FAM193A: variants seen among roughly 807,000 people sequenced by gnomAD.
The protein encoded by FAM193A is protein FAM193A.
In FAM193A, 22 loss-of-function variants were observed where a neutral mutation model predicts 126.5. That is an observed-to-expected ratio of 0.17 (90% CI 0.12 to 0.25). The LOEUF is 0.25. Ranked by LOEUF, FAM193A falls within the 10% of genes least tolerant of loss-of-function variation. The probability of loss-of-function intolerance (pLI) is 1.00; values close to 1 mark genes in which losing one functional copy is unlikely to be tolerated. For synonymous variants in FAM193A, 761 were observed against 646.8 expected (o/e 1.18, Z -2.68); for missense variants, 1,675 against 1,672.8 (o/e 1.00, Z -0.02).
At chr4:2,655,039 T>A in intron 7 of FAM193A, 1 of 663,564 alleles carries the variant, frequency 1.5e-6, no homozygotes, top group East Asian at 2.7e-5. Context: ...ATTTGTCCCC[T>A]TTTTTTGGCT....
chr4:2,618,750 C>T (rs1742360620), intron 2 of FAM193A, among the ~76,000 whole-genome samples: 1 of 152,096 alleles, frequency 6.6e-6, no homozygotes, highest in South Asian at 2.1e-4. Flanking sequence ...CGTGTGCCAT[C>T]ACACCTGGCT....
chr4:2,705,464 C>T (rs1577242086), intron 19 of FAM193A, among the ~76,000 whole-genome samples: 1 of 149,690 alleles, frequency 6.7e-6, no homozygotes, highest in East Asian at 2.0e-4. Context: ...TGTGTAGTTT[C>T]TTTTTTTTTC....
chr4:2,710,607 A>T (rs1718842678), intron 19 of FAM193A, among the ~76,000 whole-genome samples: 1 of 149,338 alleles, frequency 6.7e-6, no homozygotes. Flanking sequence ...GGCTCGGGTG[A>T]TCCTCCCCAC....
At chr4:2,653,923 A>G (rs1019967625) in intron 7 of FAM193A, among the ~76,000 whole-genome samples, 2 of 152,168 alleles carry the variant, frequency 1.3e-5, no homozygotes, top group Non-Finnish European at 2.9e-5. Flanking sequence ...TTATGCTCAC[A>G]GTTCTTGAGG....
intron 5 of FAM193A, among the ~76,000 whole-genome samples, chr4:2,633,614 A>G (rs1365500528): frequency 6.6e-6 from 1 of 151,350 alleles, no homozygotes; most frequent in Non-Finnish European, 1.5e-5. Flanking sequence ...AAAATAAGCC[A>G]GGCGTGGTGG....
intron 5 of FAM193A, among the ~76,000 whole-genome samples, chr4:2,638,982 G>A (rs936481825): frequency 6.6e-6 from 1 of 152,214 alleles, no homozygotes; most frequent in African/African-American, 2.4e-5. Context: ...AAGATGTAAC[G>A]TGATCTGAAC....
chr4:2,623,697 C>T (rs1000947346), intron 2 of FAM193A, among the ~76,000 whole-genome samples: 10 of 152,144 alleles, frequency 6.6e-5, no homozygotes, highest in African/African-American at 2.4e-4. Context: ...GGCTCCTTGC[C>T]ACAGGCCACC....
intron 19 of FAM193A, among the ~76,000 whole-genome samples, chr4:2,713,706 C>CTACA (rs1479706382): frequency 4.6e-5 from 7 of 152,312 alleles, no homozygotes; most frequent in Admixed American, 1.3e-4. Flanking sequence ...ACACAATTTA[C>CTACA]TACAACAGGG....
intron 5 of FAM193A, among the ~76,000 whole-genome samples, chr4:2,634,704 C>T (rs969399178): frequency 6.6e-6 from 1 of 152,136 alleles, no homozygotes; most frequent in African/African-American, 2.4e-5. Flanking sequence ...TACTAGTGTT[C>T]AGCAAGGAAA....
In FAM193A at chr4:2,693,847, C is replaced by T; in HGVS notation, c.3065C>T (p.Ser1022Phe). 1 of 1,614,148 alleles carries T rather than the reference C, an allele frequency of 6.2e-7. No individual in the cohort carries two copies. Among genetic ancestry groups the T allele is most frequent in the Non-Finnish European group, 8.5e-7 (1 of 1,179,988 alleles). ...PAPLPPATDG[S>F]ISAPPSVCSD... ...CCCCTACCCCCGGCCACAGATGGCT[C>T]CATTAGCGCCCCTCCAAGTGTCTGC... Residue 1022 changes from serine to phenylalanine, a missense_variant, in exon 16 of 21, where the codon TCC becomes TTC. Transcript: ENST00000637812.
At chr4:2,539,388 A>T (rs1737084077) in intron 1 of FAM193A, among the ~76,000 whole-genome samples, 1 of 152,026 alleles carries the variant, frequency 6.6e-6, no homozygotes, top group Non-Finnish European at 1.5e-5. Flanking sequence ...TTTTGACAGG[A>T]CTGTGATATT....
intron 1 of FAM193A, among the ~76,000 whole-genome samples, chr4:2,571,558 T>G (rs73207325): frequency 0.025 from 3,791 of 152,072 alleles, 67 homozygotes; most frequent in Middle Eastern, 0.11. Context: ...TTTTTTTTTT[T>G]GACACAGAGT....
In FAM193A at chr4:2,584,756, C is replaced by G. The variant is rs189132559; in HGVS notation, c.256-11328C>G. ...CCTGGCCAACATAGTGAAACCCCAT[C>G]TTTACTAAAAATACAAAAATTAGCT... On this transcript the variant is annotated intron_variant, in intron 1 of 20. Coordinates refer to ENST00000637812, the MANE Select transcript of FAM193A (RefSeq NM_001366318.2). Among the ~76,000 whole-genome samples, 23 of 152,164 alleles carry G rather than the reference C, an allele frequency of 1.5e-4. 1 individual carries two copies. The highest frequency in any genetic ancestry group is 1.4e-3 in the Admixed American group (22 of 15,288).
At chr4:2,662,326 C>T (rs1294516814) in intron 10 of FAM193A, among the ~76,000 whole-genome samples, 2 of 152,236 alleles carry the variant, frequency 1.3e-5, no homozygotes, top group African/African-American at 4.8e-5. Flanking sequence ...AATTAGTCTT[C>T]TGTTACATAA....
At chr4:2,563,665 A>G (rs1463955534) in intron 1 of FAM193A, among the ~76,000 whole-genome samples, 3 of 152,240 alleles carry the variant, frequency 2.0e-5, no homozygotes, top group Admixed American at 6.5e-5. Context: ...TTTCTGTGCA[A>G]GCTCTTCATT....
intron 6 of FAM193A, among the ~76,000 whole-genome samples, chr4:2,640,929 C>T (rs1230102348): frequency 6.6e-6 from 1 of 151,152 alleles, no homozygotes; most frequent in Non-Finnish European, 1.5e-5. Context: ...TGCACCACTG[C>T]ACTCTAGCCT....
At chr4:2,622,116 G>T (rs1298391206) in intron 2 of FAM193A, among the ~76,000 whole-genome samples, 1 of 152,052 alleles carries the variant, frequency 6.6e-6, no homozygotes, top group Admixed American at 6.6e-5. Context: ...ATTAAGCCAG[G>T]TGTGGTGGCG....
chr4:2,701,229 C>CT (rs1357170586), intron 19 of FAM193A, among the ~76,000 whole-genome samples: 1 of 150,432 alleles, frequency 6.6e-6, no homozygotes, highest in African/African-American at 2.5e-5. Context: ...ATGCTATTCT[C>CT]TAATTGTAGA....
At chr4:2,640,391 G>A (rs1045049314) in intron 6 of FAM193A, among the ~76,000 whole-genome samples, 7 of 152,200 alleles carry the variant, frequency 4.6e-5, no homozygotes, top group Admixed American at 3.9e-4. Context: ...GGGGTGCAGA[G>A]TGCAGCAGTC....
Sources: gnomAD v4.1 joint callset for allele counts (sites outside exome capture counted in the v4.1 genomes callset) on GRCh38, gnomAD v4.1.1 for gene constraint, MANE v1.5 for transcripts, NCBI Gene and HGNC (gene_info 2026-07-23, HGNC 2026-07-21) for gene names.